Variants in DDR2 observed in about 807,000 individuals in gnomAD.
The protein encoded by DDR2 is discoidin domain receptor tyrosine kinase 2.
In DDR2, 27 loss-of-function variants were observed where a neutral mutation model predicts 94.9. The observed-to-expected ratio is 0.28, with a 90% CI of 0.21 to 0.39. DDR2 has a LOEUF of 0.39. Ranked by LOEUF, DDR2 falls within the 10% of genes least tolerant of loss-of-function variation. DDR2 has a pLI of 1.00. For missense variants in DDR2, 783 were observed against 1,076.0 expected, an observed-to-expected ratio of 0.73 and a Z score of 3.81; for synonymous variants, 382 against 377.2, an observed-to-expected ratio of 1.01 and a Z score of -0.15.
At position 162,655,304 on chromosome 1, in the gene DDR2, A is replaced by G. The variant is rs1014442692; in HGVS notation, c.-98A>G. On this transcript the variant is annotated 5_prime_UTR_variant, in exon 2 of 18. The change creates a new upstream start codon in the 5' untranslated region. Coordinates refer to ENST00000367921, the MANE Select transcript of DDR2 (RefSeq NM_006182.4). ...TGAATTATTCTAAAGAAGCTGAAAT[A>G]ATTGAAGAGAAGCAGAGGCCAGCTG... The G allele has an allele frequency of 6.6e-6, 1 of 152,204 alleles. No homozygotes were observed. The highest frequency in any genetic ancestry group is 2.4e-5 in the African/African-American group (1 of 41,450). 9.4% of individuals were successfully genotyped at this position (152,204 alleles called of 1,614,324 possible).
chr1:162,745,641 G>C (rs529092057), intron 3 of DDR2, among the ~76,000 whole-genome samples: 3 of 151,706 alleles, frequency 2.0e-5, no homozygotes, highest in East Asian at 3.9e-4. Flanking sequence ...GACCTGTGTG[G>C]GTGACTTCCA....
intron 14 of DDR2, among the ~76,000 whole-genome samples, chr1:162,774,997 A>AC (rs1260736563): frequency 6.6e-6 from 1 of 152,122 alleles, no homozygotes; most frequent in Admixed American, 6.5e-5. Context: ...CTACTTTATG[A>AC]CCCAAGGGTG....
In DDR2 at chr1:162,781,964, A is replaced by G. The variant is rs1647927498; in HGVS notation, c.*1718A>G. ...TGTATTTCCCCATTCAGCTTTCAGC[A>G]TTGCTCCACGCCACAGCATAAGCAT... On this transcript the variant is annotated 3_prime_UTR_variant, in exon 18 of 18. Transcript: ENST00000367921. 1 of 152,274 alleles carries G rather than the reference A, an allele frequency of 6.6e-6. No individual in the cohort carries two copies. The highest frequency in any genetic ancestry group is 1.5e-5 in the Non-Finnish European group (1 of 68,094). The allele number at this position is 152,274 out of a possible 1,614,324, so 9.4% of individuals were successfully genotyped here. A position where few individuals can be genotyped will look rare whatever the true frequency, so the allele number is the denominator to read the frequency against.
At chr1:162,673,604 T>TGAGAGAGA (rs1231851857) in intron 2 of DDR2, among the ~76,000 whole-genome samples, 1 of 127,604 alleles carries the variant, frequency 7.8e-6, no homozygotes, top group East Asian at 2.7e-4. Flanking sequence ...TATGTGTGTG[T>TGAGAGAGA]GTGTGAGAGA....
chr1:162,722,742 T>G (rs535374002), intron 3 of DDR2, among the ~76,000 whole-genome samples: 1 of 152,348 alleles, frequency 6.6e-6, no homozygotes, highest in South Asian at 2.1e-4. Flanking sequence ...AGTTGTTACG[T>G]GTCTCTTTAT....
intron 1 of DDR2, among the ~76,000 whole-genome samples, chr1:162,653,531 A>G (rs1413504454): frequency 1.3e-5 from 2 of 151,752 alleles, no homozygotes; most frequent in African/African-American, 2.4e-5. Context: ...GGCTGAGATC[A>G]TGGATCGTGC....
At chr1:162,750,778 G>A (rs1481628779) in intron 3 of DDR2, among the ~76,000 whole-genome samples, 2 of 152,118 alleles carry the variant, frequency 1.3e-5, no homozygotes, top group Non-Finnish European at 2.9e-5. Flanking sequence ...AAACAGCATG[G>A]TACTGGTACC....
At chr1:162,702,318 T>C (rs80198122) in intron 2 of DDR2, among the ~76,000 whole-genome samples, 18 of 152,278 alleles carry the variant, frequency 1.2e-4, no homozygotes, top group Non-Finnish European at 1.3e-4. Flanking sequence ...AGAAAAGGTA[T>C]CTTTTACCTT....
At chr1:162,708,374 A>G (rs1029597663) in intron 2 of DDR2, among the ~76,000 whole-genome samples, 5 of 152,212 alleles carry the variant, frequency 3.3e-5, no homozygotes, top group African/African-American at 1.2e-4. Flanking sequence ...TTGGGCCTGC[A>G]CTAAAAGTAA....
intron 2 of DDR2, among the ~76,000 whole-genome samples, chr1:162,687,237 A>G (rs1196746031): frequency 6.6e-6 from 1 of 152,214 alleles, no homozygotes; most frequent in Non-Finnish European, 1.5e-5. Context: ...GAGGCAAGGC[A>G]TTACCTGCAC....
At position 162,738,071 on chromosome 1, in the gene DDR2, G is replaced by A. The variant is rs1380170451; in HGVS notation, c.83-15024G>A. The stretch of plus-strand genomic sequence containing the variant: ...CAAGACAGGGATGCCCTCTCTCACC[G>A]CTCCTATTCAACATTGTGTTGGAAG... On this transcript the variant is annotated intron_variant, in intron 3 of 17. Coordinates refer to ENST00000367921, the MANE Select transcript of DDR2 (RefSeq NM_006182.4). Among the ~76,000 whole-genome samples the A allele has an allele frequency of 1.5e-3, 221 of 150,238 alleles. 1 individual carries two copies. Among genetic ancestry groups the A allele is most frequent in the East Asian group, 3.0e-3 (15 of 5,030 alleles).
intron 4 of DDR2, among the ~76,000 whole-genome samples, chr1:162,754,220 C>T (rs1421546599): frequency 6.6e-6 from 1 of 152,108 alleles, no homozygotes; most frequent in Admixed American, 6.5e-5. Context: ...CCCTACTATC[C>T]CTCCTCCCTA....
At chr1:162,681,670 G>A (rs1467557689) in intron 2 of DDR2, among the ~76,000 whole-genome samples, 3 of 152,170 alleles carry the variant, frequency 2.0e-5, no homozygotes, top group Non-Finnish European at 4.4e-5. Context: ...TCACATGGCA[G>A]AAGGGGGAAG....
At chr1:162,729,319 T>TG (rs1661902884) in intron 3 of DDR2, among the ~76,000 whole-genome samples, 1 of 134,624 alleles carries the variant, frequency 7.4e-6, no homozygotes, top group Non-Finnish European at 1.6e-5. Flanking sequence ...TTTTTTTTTT[T>TG]TCCTTGGGAG....
chr1:162,702,647 A>G (rs1660482910), intron 2 of DDR2, among the ~76,000 whole-genome samples: 1 of 152,186 alleles, frequency 6.6e-6, no homozygotes, highest in Non-Finnish European at 1.5e-5. Flanking sequence ...GCTACAGTAT[A>G]TTTATTGTCT....
At chr1:162,673,083 T>C (rs1046866773) in intron 2 of DDR2, among the ~76,000 whole-genome samples, 1 of 152,224 alleles carries the variant, frequency 6.6e-6, no homozygotes, top group African/African-American at 2.4e-5. Context: ...TTTAGTTCTG[T>C]AATTAGACAT....
In DDR2 at chr1:162,766,028, C is replaced by T. The variant is rs1172668022; in HGVS notation, c.1127C>T (p.Ala376Val). The stretch of plus-strand genomic sequence containing the variant: ...GCTGCAATGTACAACAACTCTGAAG[C>T]CCTGCCCACCTCTCCTATGGCACCC... Reference protein sequence around the residue: ...SDAAMYNNSEALPTSPMAPTT... With the variant: ...SDAAMYNNSEVLPTSPMAPTT... Residue 376 changes from alanine (A) to valine (V), a missense_variant, in exon 10 of 18, where the codon GCC (alanine) becomes GTC (valine). By Grantham distance (64) the Ala-to-Val change is moderately conservative. Transcript: ENST00000367921. 6.2e-7 allele frequency: 1 copy of T among 1,613,908 alleles called. No homozygotes were observed. Among genetic ancestry groups the T allele is most frequent in the South Asian group, 1.1e-5 (1 of 91,066 alleles).
At chr1:162,658,897 G>A (rs946983718) in intron 2 of DDR2, among the ~76,000 whole-genome samples, 2 of 150,526 alleles carry the variant, frequency 1.3e-5, no homozygotes, top group African/African-American at 4.9e-5. Flanking sequence ...GGGCTGACAT[G>A]GACAATTCTA....
intron 3 of DDR2, chr1:162,741,751 T>C (rs1268400692): frequency 1.0e-6 from 1 of 985,180 alleles, no homozygotes; most frequent in East Asian, 1.1e-4. Flanking sequence ...TGGGCTTGGG[T>C]CCTAAATGCC....
Sources: allele counts gnomAD v4.1 joint callset (sites outside exome capture counted in the v4.1 genomes callset), GRCh38; gene constraint gnomAD v4.1.1; transcripts MANE v1.5; gene names NCBI Gene and HGNC (gene_info 2026-07-23, HGNC 2026-07-21).